Variants in ST18 observed in about 807,000 individuals in gnomAD.
ST18 encodes the protein ST18 C2H2C-type zinc finger transcription factor, also known as suppression of tumorigenicity 18 protein.
In ST18, 50 loss-of-function variants were observed where a neutral mutation model predicts 110.0. The observed-to-expected ratio is 0.45, with a 90% confidence interval of 0.36 to 0.58. The LOEUF is 0.58. Among genes scored for constraint, ST18 ranks in the 20% least tolerant of loss-of-function variants. ST18 has a pLI of 0.00. For missense variants in ST18, 1,306 were observed against 1,280.1 expected, an observed-to-expected ratio of 1.02 and a Z score of -0.31; for synonymous variants, 461 against 452.4, an observed-to-expected ratio of 1.02 and a Z score of -0.24.
rs76155890 is a variant in ST18, at chr8:52,317,302, T to A, written c.-464-87225A>T. Reference sequence around the variant, plus strand: ...TAATATGTCCTTACAAGAGACAGAATAGAATACACAGACACAAAGGGGAAG... The same window carrying A: ...TAATATGTCCTTACAAGAGACAGAAAAGAATACACAGACACAAAGGGGAAG... On this transcript the variant is annotated intron_variant, in intron 2 of 25. Coordinates refer to ENST00000689386, the MANE Select transcript of ST18 (RefSeq NM_001352837.2). Among the ~76,000 whole-genome samples the A allele has an allele frequency of 2.6e-5, 4 of 152,254 alleles. No homozygotes were observed. In the East Asian group the frequency reaches 7.7e-4, roughly 29 times the overall value.
At chr8:52,156,564 CATGGTTTCATCAGAG>C (rs2060070741) in intron 15 of ST18, among the ~76,000 whole-genome samples, 1 of 152,196 alleles carries the variant, frequency 6.6e-6, no homozygotes, top group South Asian at 2.1e-4. Flanking sequence ...CTACATCAGA[CATGGTTTCATCAGAG>C]GCTCAGTTTC....
intron 2 of ST18, among the ~76,000 whole-genome samples, chr8:52,357,829 T>A (rs1823858223): frequency 6.7e-6 from 1 of 149,436 alleles, no homozygotes; most frequent in African/African-American, 2.4e-5. Flanking sequence ...ATAGAGGCCA[T>A]GAACAATAGC....
Position 52,116,292 on chromosome 8 carries a change from T to G in ST18, c.2986A>C (p.Ile996Leu), listed in dbSNP as rs1358230556. 10 of 1,613,586 alleles carry G rather than the reference T, an allele frequency of 6.2e-6. No individual in the cohort carries two copies. In the South Asian group the frequency reaches 8.8e-5, roughly 14 times the overall value. The change falls in exon 25 of 26, where the codon ATC becomes CTC. Residue 996 changes from isoleucine to leucine, a missense_variant. Physicochemically the swap from Ile to Leu is conservative, Grantham distance 5. Coordinates refer to ENST00000689386, the MANE Select transcript of ST18 (RefSeq NM_001352837.2). ...SQALISSLAD[I>L]QLPQMGPISE... ...GAACTTACCATCTGTGGAAGCTGGA[T>G]GTCAGCAAGGCTTGAAATGAGAGCT...
intron 2 of ST18, among the ~76,000 whole-genome samples, chr8:52,281,216 C>T (rs1318362011): frequency 3.3e-5 from 5 of 151,916 alleles, no homozygotes; most frequent in Non-Finnish European, 5.9e-5. Context: ...GTATATTTTA[C>T]ATTAAAAAGA....
At chr8:52,200,534 A>C (rs1221701848) in intron 8 of ST18, among the ~76,000 whole-genome samples, 1 of 152,168 alleles carries the variant, frequency 6.6e-6, no homozygotes, top group African/African-American at 2.4e-5. Flanking sequence ...GCCAGAGTAA[A>C]GATGTGGTCT....
intron 2 of ST18, among the ~76,000 whole-genome samples, chr8:52,308,735 C>G (rs773988976): frequency 6.6e-6 from 1 of 152,206 alleles, no homozygotes; most frequent in Non-Finnish European, 1.5e-5. Flanking sequence ...CTCCAAGGAC[C>G]AATGGGCAAC....
chr8:52,222,187 T>G (rs2087042563), intron 3 of ST18: 1 of 152,222 alleles, frequency 6.6e-6, no homozygotes, highest in Non-Finnish European at 1.5e-5. Context: ...AAGAACTGAA[T>G]CACATAAGGG....
intron 8 of ST18, among the ~76,000 whole-genome samples, chr8:52,181,609 T>C (rs2069609847): frequency 6.6e-6 from 1 of 152,204 alleles, no homozygotes; most frequent in African/African-American, 2.4e-5. Context: ...TCAAGCAATG[T>C]GCTTTCACAA....
chr8:52,270,733 G>T (rs1477999828), intron 2 of ST18, among the ~76,000 whole-genome samples: 3 of 152,014 alleles, frequency 2.0e-5, no homozygotes, highest in African/African-American at 7.3e-5. Flanking sequence ...GTGGTGCAGG[G>T]GTAAGGGATG....
intron 2 of ST18, among the ~76,000 whole-genome samples, chr8:52,337,164 G>C (rs1224495557): frequency 1.3e-5 from 2 of 152,110 alleles, no homozygotes; most frequent in Admixed American, 1.3e-4. Context: ...TTTTCAAAAG[G>C]TTGCTTAATG....
At chr8:52,398,783 G>A (rs1278340047) in intron 2 of ST18, among the ~76,000 whole-genome samples, 1 of 152,066 alleles carries the variant, frequency 6.6e-6, no homozygotes, top group African/African-American at 2.4e-5. Context: ...ATGCACGCCA[G>A]CAATAAACTT....
chr8:52,196,738 T>C (rs1053926464), intron 8 of ST18, among the ~76,000 whole-genome samples: 2 of 152,162 alleles, frequency 1.3e-5, no homozygotes, highest in Middle Eastern at 3.2e-3. Flanking sequence ...AAACATAGTG[T>C]ATATAGGGTT....
At chr8:52,306,449 G>GA (rs1589768703) in intron 2 of ST18, among the ~76,000 whole-genome samples, 2 of 152,158 alleles carry the variant, frequency 1.3e-5, no homozygotes, top group African/African-American at 4.8e-5. Context: ...TGAGTTTGTT[G>GA]AAAAAAACAA....
intron 15 of ST18, among the ~76,000 whole-genome samples, chr8:52,153,791 C>T (rs1487793442): frequency 6.6e-6 from 1 of 152,172 alleles, no homozygotes; most frequent in Non-Finnish European, 1.5e-5. Context: ...AGTTGTGCCA[C>T]TCAGAGAAAG....
Position 52,211,955 on chromosome 8 carries a change from T to G in ST18, c.86+124A>C, listed in dbSNP as rs933116179. ...TCTTGGTGCATACACAACGTCTGGA[T>G]GGAAAAAGCCCTTTAGCCAATTCCT... On this transcript the variant is annotated intron_variant, in intron 8 of 25. Transcript: ENST00000689386. The G allele has an allele frequency of 2.5e-5, 24 of 965,348 alleles. No individual in the cohort carries two copies. In the African/African-American group the frequency reaches 3.6e-4, roughly 15 times the overall value. The allele number at this position is 965,348 out of a possible 1,614,324, so 59.8% of individuals were successfully genotyped here.
Position 52,319,620 on chromosome 8 carries a change from CCCACA to C in ST18, c.-464-89548_-464-89544del, listed in dbSNP as rs200999076. 6.5e-4 allele frequency among the ~76,000 whole-genome samples: 99 copies of C among 152,070 alleles called. No homozygotes were observed. In the East Asian group the frequency reaches 0.018, roughly 28 times the overall value. On this transcript the variant is annotated intron_variant, in intron 2 of 25. Coordinates refer to ENST00000689386, the MANE Select transcript of ST18 (RefSeq NM_001352837.2). ...TTACTAGTGCTGTGTGGCAAAGTAC[CCCACA>C]AGTTTAGTATTATAAAACAACAAAT...
chr8:52,225,827 T>C (rs894929433), intron 3 of ST18, among the ~76,000 whole-genome samples: 1 of 152,220 alleles, frequency 6.6e-6, no homozygotes, highest in Non-Finnish European at 1.5e-5. Context: ...TAAATATAGA[T>C]GAAACATAAG....
chr8:52,315,158 T>C (rs1005973212), intron 2 of ST18, among the ~76,000 whole-genome samples: 1 of 152,216 alleles, frequency 6.6e-6, no homozygotes, highest in African/African-American at 2.4e-5. Context: ...GTTGATTTAA[T>C]TATATCCTAT....
intron 8 of ST18, among the ~76,000 whole-genome samples, chr8:52,210,681 TAAATAAAAATAA>T (rs1005660146): frequency 6.6e-6 from 1 of 151,512 alleles, no homozygotes; most frequent in African/African-American, 2.4e-5. Context: ...AAAAAATAAA[TAAATAAAAATAA>T]AAATAAAATT....
Sources: gnomAD v4.1 joint callset for allele counts (sites outside exome capture counted in the v4.1 genomes callset) on GRCh38, gnomAD v4.1.1 for gene constraint, MANE v1.5 for transcripts, NCBI Gene and HGNC (gene_info 2026-07-23, HGNC 2026-07-21) for gene names.